Variants in NRG1 observed in about 807,000 individuals in gnomAD.
NRG1 encodes the protein pro-neuregulin-1, membrane-bound isoform.
A neutral mutation model predicts 63.8 loss-of-function variants in NRG1; 18 were observed. The observed-to-expected ratio is 0.28, with a 90% CI of 0.19 to 0.42. NRG1 has a LOEUF of 0.42. Ranked by LOEUF, NRG1 falls within the 10% of genes least tolerant of loss-of-function variation. The pLI is 1.00. For missense variants in NRG1, 762 were observed against 814.7 expected (o/e 0.94, Z 0.79); for synonymous variants, 302 against 301.3 (o/e 1.00, Z -0.02).
chr8:32,395,527 T>C (rs1242513805), intron 1 of NRG1, among the ~76,000 whole-genome samples: 2 of 152,218 alleles, frequency 1.3e-5, no homozygotes, highest in African/African-American at 4.8e-5. Flanking sequence ...TATTTGCATA[T>C]GTATGTCTTC....
At chr8:32,263,038 A>C (rs1334815348) in intron 1 of NRG1, among the ~76,000 whole-genome samples, 1 of 152,176 alleles carries the variant, frequency 6.6e-6, no homozygotes, top group Non-Finnish European at 1.5e-5. Context: ...CTATGTATAA[A>C]ATAAGATTCC....
chr8:31,942,427 A>G (rs1282782198), intron 1 of NRG1, among the ~76,000 whole-genome samples: 1 of 152,206 alleles, frequency 6.6e-6, no homozygotes, highest in Non-Finnish European at 1.5e-5. Flanking sequence ...GTGAAACCAT[A>G]AAGATTTTAG....
At chr8:32,093,473 T>C (rs1446435607) in intron 1 of NRG1, among the ~76,000 whole-genome samples, 1 of 152,200 alleles carries the variant, frequency 6.6e-6, no homozygotes, top group Non-Finnish European at 1.5e-5. Flanking sequence ...AGTCAAAATT[T>C]CATGTGGCAA....
chr8:32,705,423 G>A (rs866527605), intron 5 of NRG1, among the ~76,000 whole-genome samples: 5 of 152,268 alleles, frequency 3.3e-5, no homozygotes, highest in South Asian at 2.1e-4. Context: ...GAGCCACCGC[G>A]CCCGGCCAAG....
At chr8:32,507,973 C>T (rs1444171092) in intron 1 of NRG1, among the ~76,000 whole-genome samples, 2 of 152,222 alleles carry the variant, frequency 1.3e-5, no homozygotes, top group African/African-American at 2.4e-5. Flanking sequence ...GTTGGGATTA[C>T]AGGCATGAGC....
chr8:32,381,583 G>A (rs557733176), intron 1 of NRG1, among the ~76,000 whole-genome samples: 2 of 152,260 alleles, frequency 1.3e-5, no homozygotes, highest in Non-Finnish European at 2.9e-5. Context: ...GCTGTATCTA[G>A]AAGACTGATA....
intron 1 of NRG1, among the ~76,000 whole-genome samples, chr8:32,009,546 TA>T (rs764190566): frequency 2.0e-5 from 3 of 151,698 alleles, no homozygotes; most frequent in Non-Finnish European, 4.4e-5. Context: ...ATGAAAAAAA[TA>T]AAGCAGGAAA....
intron 1 of NRG1, among the ~76,000 whole-genome samples, chr8:32,536,616 A>G (rs1396775515): frequency 6.6e-6 from 1 of 151,984 alleles, no homozygotes; most frequent in East Asian, 1.9e-4. Context: ...GAGTCTTGGG[A>G]GTCATCTTAG....
intron 1 of NRG1, among the ~76,000 whole-genome samples, chr8:31,845,842 A>G (rs183706054): frequency 6.6e-6 from 1 of 152,312 alleles, no homozygotes; most frequent in African/African-American, 2.4e-5. Flanking sequence ...TATTCTCAGA[A>G]TGGATTTTAT....
intron 1 of NRG1, among the ~76,000 whole-genome samples, chr8:31,782,272 T>C (rs963852535): frequency 2.0e-5 from 3 of 152,116 alleles, no homozygotes; most frequent in African/African-American, 7.2e-5. Flanking sequence ...TTCCTTCCAA[T>C]GGTGCAGGTC....
At chr8:31,770,209 A>G (rs557717319) in intron 1 of NRG1, among the ~76,000 whole-genome samples, 3 of 152,304 alleles carry the variant, frequency 2.0e-5, no homozygotes, top group African/African-American at 7.2e-5. Flanking sequence ...CTGTGCCTTG[A>G]GTTAGAAAGG....
chr8:31,646,994 G>GA (rs892574226), intron 1 of NRG1, among the ~76,000 whole-genome samples: 6 of 151,460 alleles, frequency 4.0e-5, no homozygotes, highest in East Asian at 1.9e-4. Context: ...AGCCCAGCAG[G>GA]AAAAAAAAAT....
chr8:31,905,667 G>C (rs746816668), intron 1 of NRG1, among the ~76,000 whole-genome samples: 1 of 152,090 alleles, frequency 6.6e-6, no homozygotes, highest in Non-Finnish European at 1.5e-5. Context: ...CATTTATTTT[G>C]TGTAAATGAG....
At chr8:32,485,756 C>T (rs1045936424) in intron 1 of NRG1, among the ~76,000 whole-genome samples, 3 of 152,166 alleles carry the variant, frequency 2.0e-5, no homozygotes, top group Non-Finnish European at 4.4e-5. Context: ...TGTGGCATTT[C>T]TATCTAATTA....
intron 1 of NRG1, among the ~76,000 whole-genome samples, chr8:32,503,868 C>T (rs1828194524): frequency 6.6e-6 from 1 of 152,168 alleles, no homozygotes; most frequent in African/African-American, 2.4e-5. Context: ...GTTTGACCTT[C>T]TGACTTGGGG....
Position 32,712,283 on chromosome 8 carries a change from C to T in NRG1, c.503-15666C>T, listed in dbSNP as rs1324594487. 2.0e-5 allele frequency among the ~76,000 whole-genome samples: 3 copies of T among 152,052 alleles called. No homozygotes were observed. The East Asian group carries it at 5.8e-4, about 29-fold the overall frequency. On this transcript the variant is annotated intron_variant, in intron 5 of 11. Coordinates refer to ENST00000356819, the Ensembl canonical transcript of NRG1. ...CTTTCCTTACTTTCAAAGTTAATTT[C>T]CATTTTTCCATTTTGGATGCTGTGT... is the stretch of plus-strand genomic sequence containing the variant.
chr8:32,309,346 C>G (rs943798764), intron 1 of NRG1, among the ~76,000 whole-genome samples: 1 of 152,116 alleles, frequency 6.6e-6, no homozygotes, highest in Non-Finnish European at 1.5e-5. Context: ...TAGTGACTCC[C>G]CTAGAAAATG....
rs570288322 is a variant in NRG1, at chr8:32,646,725, G to C, written c.502+29840G>C. On this transcript the variant is annotated intron_variant, in intron 5 of 11. Transcript: ENST00000356819. The stretch of plus-strand genomic sequence containing the variant: ...AGGAGGAAAACGGGTGGGGGCCATG[G>C]GGACTAGGCTTAACTGATGCCTGCC... 6 of 985,338 alleles carry C rather than the reference G, an allele frequency of 6.1e-6. No homozygotes were observed. The South Asian group carries it at 2.4e-4, about 39-fold the overall frequency. The allele number at this position is 985,338 out of a possible 1,614,324, so 61.0% of individuals were successfully genotyped here. A position where few individuals can be genotyped will look rare whatever the true frequency, so the allele number is the denominator to read the frequency against.
intron 1 of NRG1, among the ~76,000 whole-genome samples, chr8:31,845,940 G>C (rs1462292334): frequency 6.6e-6 from 1 of 152,052 alleles, no homozygotes; most frequent in African/African-American, 2.4e-5. Flanking sequence ...ATCAATCTTG[G>C]TTCTCATTCC....
Sources: gnomAD v4.1 joint callset for allele counts (sites outside exome capture counted in the v4.1 genomes callset) on GRCh38, gnomAD v4.1.1 for gene constraint, MANE v1.5 for transcripts, NCBI Gene and HGNC (gene_info 2026-07-23, HGNC 2026-07-21) for gene names.